CASK: variants seen among roughly 807,000 people sequenced by gnomAD.
CASK encodes peripheral plasma membrane protein CASK.
A neutral mutation model predicts 82.9 loss-of-function variants in CASK; 4 were observed. That is an observed-to-expected ratio of 0.05 (90% CI 0.02 to 0.11). CASK has a LOEUF of 0.11. Among genes scored for constraint, CASK ranks in the 10% least tolerant of loss-of-function variants. The probability of loss-of-function intolerance (pLI) is 1.00; values close to 1 mark genes in which losing one functional copy is unlikely to be tolerated. For synonymous variants in CASK, 259 were observed against 253.5 expected (o/e 1.02, Z -0.20); for missense variants, 358 against 720.9 (o/e 0.50, Z 5.76).
chrX:41,690,197 G>T (rs2067518075), intron 5 of CASK, among the ~76,000 whole-genome samples: 2 of 111,075 alleles, frequency 1.8e-5, no homozygotes, highest in Non-Finnish European at 3.8e-5. Flanking sequence ...GTCTTCACAA[G>T]CAATTCTTAA....
intron 1 of CASK, among the ~76,000 whole-genome samples, chrX:41,860,387 T>C (rs2071455308): frequency 1.8e-5 from 2 of 111,539 alleles, no homozygotes; most frequent in Admixed American, 1.9e-4. Flanking sequence ...GAATAAAATC[T>C]TGAAAATTAT....
chrX:41,791,061 A>ATTACT (rs2147841147), intron 2 of CASK, among the ~76,000 whole-genome samples: 1 of 111,482 alleles, frequency 9.0e-6, no homozygotes, highest in Non-Finnish European at 1.9e-5. Flanking sequence ...CAGGGTTACC[A>ATTACT]TCTCTATTTT....
At chrX:41,774,269 A>G (rs939172168) in intron 3 of CASK, among the ~76,000 whole-genome samples, 10 of 111,403 alleles carry the variant, frequency 9.0e-5, no homozygotes, top group Non-Finnish European at 1.3e-4. Flanking sequence ...CAATGTACAA[A>G]AATCACAAGC....
intron 11 of CASK, among the ~76,000 whole-genome samples, chrX:41,612,452 C>G (rs1451628328): frequency 2.0e-5 from 2 of 98,641 alleles, no homozygotes; most frequent in Non-Finnish European, 4.1e-5. Context: ...AGTGAGGAGC[C>G]CCTCCGCCCG....
intron 2 of CASK, among the ~76,000 whole-genome samples, chrX:41,814,692 T>C (rs1423362200): frequency 9.1e-6 from 1 of 110,041 alleles, no homozygotes; most frequent in Non-Finnish European, 1.9e-5. Flanking sequence ...TATACATATG[T>C]TACAAACCTG....
chrX:41,726,950 C>T, intron 5 of CASK: 2 of 545,508 alleles, frequency 3.7e-6, no homozygotes, highest in Middle Eastern at 5.3e-4. Context: ...AAATACTGTA[C>T]CAAAAATAAT....
At chrX:41,807,979 C>T (rs2070164616) in intron 2 of CASK, among the ~76,000 whole-genome samples, 2 of 111,449 alleles carry the variant, frequency 1.8e-5, no homozygotes, top group Non-Finnish European at 3.8e-5. Flanking sequence ...CCTCAGCCTC[C>T]CAAGTAGCTG....
intron 3 of CASK, among the ~76,000 whole-genome samples, chrX:41,751,044 C>T (rs1227572960): frequency 8.9e-6 from 1 of 112,142 alleles, no homozygotes. Flanking sequence ...ATGACAAAAA[C>T]GCCAACTACA....
intron 3 of CASK, 110 bp downstream of exon 3, chrX:41,787,068 G>A: frequency 1.8e-6 from 1 of 557,630 alleles, no homozygotes; most frequent in Non-Finnish European, 3.2e-6. Context: ...AGGTCTTTCT[G>A]AACAGATAAG....
At position 41,785,962 on chromosome X, in the gene CASK, CT is replaced by C. The variant is rs2069590263; in HGVS notation, c.278+1215del. Among the ~76,000 whole-genome samples, 3 of 112,256 alleles carry C rather than the reference CT, an allele frequency of 2.7e-5. No individual in the cohort carries two copies. In the South Asian group the frequency reaches 1.1e-3, roughly 41 times the overall value. ...TGCTCTGATGAAGCCAGCTGCCATG[CT>C]GGAAGCTGCTCTATGGAGAGGCCCA... On this transcript the variant is annotated intron_variant, in intron 3 of 26. Coordinates refer to ENST00000378163, the MANE Select transcript of CASK (RefSeq NM_001367721.1).
chrX:41,841,799 G>A (rs934989969), intron 2 of CASK, among the ~76,000 whole-genome samples: 1 of 111,665 alleles, frequency 9.0e-6, no homozygotes, highest in African/African-American at 3.3e-5. Context: ...TGAGCTTATG[G>A]GCATGAGCCA....
chrX:41,725,627 G>A (rs1225720927), intron 5 of CASK, among the ~76,000 whole-genome samples: 2 of 111,658 alleles, frequency 1.8e-5, no homozygotes, highest in African/African-American at 6.5e-5. Context: ...AAGAAGTGAG[G>A]AAATAAGGAG....
At chrX:41,611,781 CT>C (rs1397892029) in intron 11 of CASK, among the ~76,000 whole-genome samples, 26 of 109,229 alleles carry the variant, frequency 2.4e-4, no homozygotes, top group Non-Finnish European at 2.9e-4. Flanking sequence ...GCCAACTCGG[CT>C]CACTGCAACC....
chrX:41,520,474 A>G lies in CASK; in HGVS notation c.2727T>C (p.Ala909=). The G allele has an allele frequency of 1.7e-6, 2 of 1,210,106 alleles. No homozygotes were observed. Among genetic ancestry groups the G allele is most frequent in the Non-Finnish European group, 2.2e-6 (2 of 894,196 alleles). ...IDETIRHLEE[A]VELVCTAPQW... is the part of the protein sequence containing the mutation. Reference sequence around the variant, plus strand: ...GTGGGGCTGTGCACACGAGCTCAACAGCTTCCTCCAGATGTCTGATTGTCT... The same window carrying G: ...GTGGGGCTGTGCACACGAGCTCAACGGCTTCCTCCAGATGTCTGATTGTCT... The change falls in exon 27 of 27, where the codon GCT becomes GCC. Residue 909 remains alanine, a synonymous_variant. Coordinates refer to ENST00000378163, the MANE Select transcript of CASK (RefSeq NM_001367721.1).
chrX:41,520,636 G>A, intron 26 of CASK, 40 bp from the exon 27 acceptor site: 1 of 1,055,120 alleles, frequency 9.5e-7, no homozygotes, highest in African/African-American at 1.8e-5. Flanking sequence ...GGGCATGAGA[G>A]GAGGGAAAAG....
intron 2 of CASK, among the ~76,000 whole-genome samples, chrX:41,816,517 T>C (rs1444602635): frequency 2.8e-5 from 3 of 106,309 alleles, no homozygotes. Flanking sequence ...AAAGTTGAAA[T>C]AAATAGAATA....
At chrX:41,622,127 G>A (rs902031962) in intron 11 of CASK, among the ~76,000 whole-genome samples, 3 of 111,845 alleles carry the variant, frequency 2.7e-5, no homozygotes, top group African/African-American at 9.8e-5. Flanking sequence ...CCTTATAAAT[G>A]TTCTATCTGA....
intron 5 of CASK, among the ~76,000 whole-genome samples, chrX:41,708,579 T>C (rs140676000): frequency 1.8e-3 from 200 of 112,506 alleles, no homozygotes; most frequent in African/African-American, 6.3e-3. Context: ...AAATCCATTG[T>C]CTATACAATT....
At chrX:41,557,574 A>G (rs1420848025) in intron 18 of CASK, among the ~76,000 whole-genome samples, 1 of 112,049 alleles carries the variant, frequency 8.9e-6, no homozygotes, top group Non-Finnish European at 1.9e-5. Flanking sequence ...CACATGTTAC[A>G]ATCACCTCAG....
Sources: allele counts gnomAD v4.1 joint callset (sites outside exome capture counted in the v4.1 genomes callset), GRCh38; gene constraint gnomAD v4.1.1; transcripts MANE v1.5; gene names NCBI Gene and HGNC (gene_info 2026-07-23, HGNC 2026-07-21).